CCNK: variants seen among roughly 807,000 people sequenced by gnomAD.
CCNK encodes the protein cyclin K.
CCNK carries 9 observed loss-of-function variants against 65.0 expected under a neutral mutation model. That is an observed-to-expected ratio of 0.14 (90% CI 0.08 to 0.24). CCNK has a LOEUF of 0.24. CCNK is among the 10% of genes least tolerant of loss of function. The pLI is 1.00. For synonymous variants in CCNK, 279 were observed against 270.8 expected, an observed-to-expected ratio of 1.03 and a Z score of -0.30; for missense variants, 474 against 720.0, an observed-to-expected ratio of 0.66 and a Z score of 3.91.
At chr14:99,487,356 G>A (rs1240931449) in intron 1 of CCNK, among the ~76,000 whole-genome samples, 1 of 152,182 alleles carries the variant, frequency 6.6e-6, no homozygotes, top group Non-Finnish European at 1.5e-5. Context: ...ATGGGGGATT[G>A]TTCTGTGCAC....
chr14:99,501,656 T>G, intron 6 of CCNK: 1 of 518,500 alleles, frequency 1.9e-6, no homozygotes. Context: ...GTCTGAAACA[T>G]AAGTCCAAAA....
chr14:99,507,032 G>A (rs560310591), intron 9 of CCNK, 44 bp from the exon 10 acceptor site: 1 of 1,127,842 alleles, frequency 8.9e-7, no homozygotes, highest in Non-Finnish European at 1.4e-6. Flanking sequence ...GCTTATTCAT[G>A]TGAAGAAGTA....
At chr14:99,497,288 T>C (rs1896723215) in intron 4 of CCNK, among the ~76,000 whole-genome samples, 1 of 152,240 alleles carries the variant, frequency 6.6e-6, no homozygotes, top group Admixed American at 6.5e-5. Context: ...CTGATATTTT[T>C]ACTGTCTCTA....
intron 6 of CCNK, 126 bp from the exon 7 acceptor site, chr14:99,502,081 A>G: frequency 9.6e-7 from 1 of 1,039,744 alleles, no homozygotes; most frequent in East Asian, 2.8e-5. Context: ...TTATTTATTT[A>G]TAGTACTTTA....
chr14:99,499,510 T>C (rs188946578), intron 4 of CCNK, among the ~76,000 whole-genome samples: 115 of 152,366 alleles, frequency 7.5e-4, no homozygotes, highest in African/African-American at 2.7e-3. Flanking sequence ...TGAAAGCCAG[T>C]GACCTGTGGG....
chr14:99,501,108 A>G lies in CCNK; in HGVS notation c.517+237A>G, dbSNP rs568442017. 8 of 599,838 alleles carry G rather than the reference A, an allele frequency of 1.3e-5. No homozygotes were observed. In the East Asian group the frequency reaches 2.2e-4, roughly 17 times the overall value. The allele number at this position is 599,838 out of a possible 1,614,324, so 37.2% of individuals were successfully genotyped here. A position where few individuals can be genotyped will look rare whatever the true frequency, so the allele number is the denominator to read the frequency against. On this transcript the variant is annotated intron_variant, in intron 5 of 10. Transcript: ENST00000389879. ...GGGAGAGGCAGGAAAATGAGGCAGA[A>G]TTTTTTAAATGGACTAATAAACTTA...
chr14:99,499,293 C>T (rs927744750), intron 4 of CCNK, among the ~76,000 whole-genome samples: 1 of 152,222 alleles, frequency 6.6e-6, no homozygotes, highest in African/African-American at 2.4e-5. Context: ...CCGCCTCGGC[C>T]TCCCAAAGTG....
rs1896641704 is a variant in CCNK at position 99,493,692 on chromosome 14, C to T, written c.279+97C>T. The T allele has an allele frequency of 4.8e-6, 4 of 830,776 alleles. No homozygotes were observed. In the South Asian group the frequency reaches 7.2e-5, roughly 15 times the overall value. The allele number at this position is 830,776 out of a possible 1,614,324, so 51.5% of individuals were successfully genotyped here. ...TAAGCTCTATTTTTCTCATATTTTC[C>T]AGAAAGTATTTATTTTTATATGGTA... On this transcript the variant is annotated intron_variant, in intron 3 of 10. Transcript: ENST00000389879.
chr14:99,509,338 C>T (rs955780457), intron 10 of CCNK: 1 of 152,198 alleles, frequency 6.6e-6, no homozygotes, highest in African/African-American at 2.4e-5. Context: ...TGACGGTGAC[C>T]CGGGATCACA....
At chr14:99,498,820 C>T (rs1480318493) in intron 4 of CCNK, among the ~76,000 whole-genome samples, 1 of 152,092 alleles carries the variant, frequency 6.6e-6, no homozygotes, top group African/African-American at 2.4e-5. Context: ...GGAAGGCGTT[C>T]CTGAGGAATG....
chr14:99,487,280 T>A (rs761203889), intron 1 of CCNK, among the ~76,000 whole-genome samples: 2 of 152,228 alleles, frequency 1.3e-5, no homozygotes, highest in Non-Finnish European at 2.9e-5. Context: ...AGGATATAAC[T>A]GTACTGTACA....
chr14:99,511,255 T>C lies in CCNK; in HGVS notation c.*473T>C, dbSNP rs924664209. The C allele has an allele frequency of 6.6e-6, 1 of 152,540 alleles. No homozygotes were observed. Among genetic ancestry groups the C allele is most frequent in the Non-Finnish European group, 1.5e-5 (1 of 68,282 alleles). 9.4% of individuals were successfully genotyped at this position (152,540 alleles called of 1,614,324 possible). ...ACCCAGAAGGGGCAGAAGAACCACA[T>C]TTTTCATTTATAGATGTTTGCATCC... On this transcript the variant is annotated 3_prime_UTR_variant, in exon 11 of 11. Coordinates refer to ENST00000389879, the MANE Select transcript of CCNK (RefSeq NM_001099402.2).
At position 99,511,916 on chromosome 14, in the gene CCNK, C is replaced by T. The variant is rs898718320; in HGVS notation, c.*1134C>T. 3.3e-5 allele frequency: 5 copies of T among 152,398 alleles called. No homozygotes were observed. Among genetic ancestry groups the T allele is most frequent in the African/African-American group, 1.2e-4 (5 of 41,464 alleles). The allele number at this position is 152,398 out of a possible 1,614,324, so 9.4% of individuals were successfully genotyped here. A position where few individuals can be genotyped will look rare whatever the true frequency, so the allele number is the denominator to read the frequency against. ...CTGTCCACCTTGAGGGGCCACGGCT[C>T]TGTCTGTGGAAGGGGCCCCGACTGA... On this transcript the variant is annotated 3_prime_UTR_variant, in exon 11 of 11. Transcript: ENST00000389879.
At chr14:99,491,347 C>T (rs1322723802) in intron 1 of CCNK, among the ~76,000 whole-genome samples, 1 of 152,142 alleles carries the variant, frequency 6.6e-6, no homozygotes, top group Non-Finnish European at 1.5e-5. Context: ...TTTTGTACTC[C>T]CACCAGAAGC....
At chr14:99,485,884 C>T (rs1054717558) in intron 1 of CCNK, among the ~76,000 whole-genome samples, 3 of 152,106 alleles carry the variant, frequency 2.0e-5, no homozygotes, top group African/African-American at 7.2e-5. Context: ...AAAGAATAAC[C>T]TATTTCCTAG....
intron 2 of CCNK, among the ~76,000 whole-genome samples, chr14:99,493,257 G>A (rs1397868716): frequency 6.6e-6 from 1 of 151,882 alleles, no homozygotes; most frequent in Non-Finnish European, 1.5e-5. Flanking sequence ...TAGCCTGGGT[G>A]ACAGAGATGC....
intron 6 of CCNK, 93 bp downstream of exon 6, chr14:99,501,506 A>C (rs1896824457): frequency 1.1e-6 from 1 of 906,032 alleles, no homozygotes; most frequent in Non-Finnish European, 1.8e-6. Flanking sequence ...TTTGTGTCAG[A>C]AGAAACTGAC....
In CCNK at chr14:99,510,688, TC is replaced by T; in HGVS notation, c.1655del (p.Pro552LeufsTer28). 2.2e-6 allele frequency: 3 copies of T among 1,336,982 alleles called. No homozygotes were observed. The highest frequency in any genetic ancestry group is 3.0e-5 in the East Asian group (1 of 33,084). 82.8% of individuals were successfully genotyped at this position (1,336,982 alleles called of 1,614,324 possible). ...LPPASYPPPAVPPGGQPPVPP... is the reference protein window; with the variant it reads ...LPPASYPPPAXPPGGQPPVPP... ...CCAGCCAGCTACCCACCTCCTGCCG[TC>T]CCCCCTGGAGGACAGCCTCCTGTGC... On this transcript the variant is annotated frameshift_variant, in exon 11 of 11. Transcript: ENST00000389879. LOFTEE classifies it high-confidence loss of function.
At position 99,502,993 on chromosome 14, in the gene CCNK, G is replaced by A. The variant is rs1896874832; in HGVS notation, c.1011+9G>A. On this transcript the variant is annotated intron_variant, in intron 8 of 10. Coordinates refer to ENST00000389879, the MANE Select transcript of CCNK (RefSeq NM_001099402.2). The stretch of plus-strand genomic sequence containing the variant: ...AGGTTAAGCGAGCCGTGGTGAGTGG[G>A]CTAAAGCAGGCCCTGGGTAGAGCAG... 3.7e-6 allele frequency: 6 copies of A among 1,613,934 alleles called. No individual in the cohort carries two copies. Among genetic ancestry groups the A allele is most frequent in the African/African-American group, 1.3e-5 (1 of 75,042 alleles).
Sources: gnomAD v4.1 joint callset for allele counts (sites outside exome capture counted in the v4.1 genomes callset) on GRCh38, gnomAD v4.1.1 for gene constraint, MANE v1.5 for transcripts, NCBI Gene and HGNC (gene_info 2026-07-23, HGNC 2026-07-21) for gene names.